Variants in RGS6 observed in about 807,000 individuals in gnomAD.
RGS6 encodes regulator of G protein signaling 6.
In RGS6, 30 loss-of-function variants were observed where a neutral mutation model predicts 78.5. The observed-to-expected ratio is 0.38, with a 90% CI of 0.29 to 0.52. The LOEUF is 0.52. Among genes scored for constraint, RGS6 ranks in the 20% least tolerant of loss-of-function variants. RGS6 has a pLI of 0.85. For missense variants in RGS6, 495 were observed against 609.7 expected, an observed-to-expected ratio of 0.81 and a Z score of 1.98; for synonymous variants, 206 against 206.0, an observed-to-expected ratio of 1.00 and a Z score of 0.00.
the RGS6 span, among the ~76,000 whole-genome samples, chr14:71,874,674 A>G: frequency 6.6e-6 from 1 of 152,150 alleles, no homozygotes; most frequent in Non-Finnish European, 1.5e-5. Context: ...AACTTCCAAC[A>G]CTATGTTGAA....
At chr14:72,001,889 A>G (rs1279710669) in intron 2 of RGS6, among the ~76,000 whole-genome samples, 1 of 127,992 alleles carries the variant, frequency 7.8e-6, no homozygotes, top group East Asian at 2.3e-4. Flanking sequence ...TTAGACATCC[A>G]TTAATCTTTT....
At position 71,940,946 on chromosome 14, in the gene RGS6, A is replaced by C. The variant is rs867252416; in HGVS notation, c.-21+8005A>C. Among the ~76,000 whole-genome samples the C allele has an allele frequency of 5.9e-5, 9 of 152,162 alleles. No homozygotes were observed. In the South Asian group the frequency reaches 1.5e-3, roughly 25 times the overall value. On this transcript the variant is annotated intron_variant, in intron 1 of 17. Coordinates refer to ENST00000553525, the MANE Select transcript of RGS6 (RefSeq NM_001204424.2). ...AAGCCAAGGGAGATCAGGCATTTCC[A>C]GCTCACTCACAGTGGGCCGCCTTTA...
In RGS6 at chr14:72,458,284, C is replaced by G. The variant is rs1597804940; in HGVS notation, c.249C>G (p.His83Gln). ...CTGTTCTTACAGTTGAAGCAATACA[C>G]TTGGGGAGCCTTATCGCTGCCCAGG... is the stretch of plus-strand genomic sequence containing the variant. Reference protein sequence around the residue: ...LSIEDPVEAIHLGSLIAAQGY... With the variant: ...LSIEDPVEAIQLGSLIAAQGY... Residue 83 changes from histidine to glutamine, a missense_variant, in exon 5 of 18, where the codon CAC becomes CAG. Transcript: ENST00000553525. 6.2e-7 allele frequency: 1 copy of G among 1,613,652 alleles called. No homozygotes were observed. The highest frequency in any genetic ancestry group is 8.5e-7 in the Non-Finnish European group (1 of 1,179,542).
At chr14:72,030,162 A>G (rs531710437) in intron 2 of RGS6, among the ~76,000 whole-genome samples, 1 of 152,342 alleles carries the variant, frequency 6.6e-6, no homozygotes, top group East Asian at 1.9e-4. Flanking sequence ...TGAAGAGCAT[A>G]TAACTTCCAT....
At chr14:72,562,035 C>G (rs75717694) in intron 17 of RGS6, among the ~76,000 whole-genome samples, 1 of 152,230 alleles carries the variant, frequency 6.6e-6, no homozygotes, top group South Asian at 2.1e-4. Flanking sequence ...TCAGAACACC[C>G]CAAGTCCACC....
At chr14:72,424,563 A>C (rs944930023) in intron 3 of RGS6, among the ~76,000 whole-genome samples, 2 of 152,200 alleles carry the variant, frequency 1.3e-5, no homozygotes, top group African/African-American at 4.8e-5. Flanking sequence ...GGTTGTAAAA[A>C]AAGATTCCCA....
chr14:72,323,892 T>TA (rs1567754711), intron 2 of RGS6, among the ~76,000 whole-genome samples: 1 of 151,294 alleles, frequency 6.6e-6, no homozygotes, highest in Non-Finnish European at 1.5e-5. Context: ...TATCTTTTTT[T>TA]ATTTTTAATT....
chr14:72,418,513 T>A (rs2153092205), intron 3 of RGS6, among the ~76,000 whole-genome samples: 1 of 151,908 alleles, frequency 6.6e-6, no homozygotes, highest in Admixed American at 6.6e-5. Flanking sequence ...TAAGAGGAGG[T>A]AGAAGGAAAT....
intron 3 of RGS6, among the ~76,000 whole-genome samples, chr14:72,401,831 G>T (rs565348985): frequency 3.2e-4 from 48 of 152,144 alleles, no homozygotes; most frequent in Admixed American, 9.2e-4. Context: ...GAGGTCAGCC[G>T]CCACCACAGC....
intron 2 of RGS6, among the ~76,000 whole-genome samples, chr14:72,245,374 G>A (rs1030756379): frequency 3.9e-5 from 6 of 152,260 alleles, no homozygotes; most frequent in African/African-American, 1.2e-4. Flanking sequence ...GCCCCAAACA[G>A]AGATTTACCC....
At chr14:72,582,013 C>T in the RGS6 span, among the ~76,000 whole-genome samples, 1 of 152,192 alleles carries the variant, frequency 6.6e-6, no homozygotes, top group East Asian at 1.9e-4. Flanking sequence ...TATGAAGACA[C>T]AAAACCCAGA....
At chr14:72,325,684 A>G (rs1004855971) in intron 2 of RGS6, among the ~76,000 whole-genome samples, 7 of 152,288 alleles carry the variant, frequency 4.6e-5, no homozygotes, top group Admixed American at 4.6e-4. Flanking sequence ...AAATCTCTTG[A>G]ATAAAATTAA....
intron 2 of RGS6, among the ~76,000 whole-genome samples, chr14:72,261,264 C>T (rs548645037): frequency 1.3e-5 from 2 of 152,286 alleles, no homozygotes; most frequent in East Asian, 3.9e-4. Context: ...TTCCTCACCA[C>T]TGATGTCACT....
Position 72,404,245 on chromosome 14 carries a change from G to A in RGS6, c.185-50283G>A, listed in dbSNP as rs369053699. Among the ~76,000 whole-genome samples, 12 of 152,158 alleles carry A rather than the reference G, an allele frequency of 7.9e-5. 1 individual carries two copies. In the East Asian group the frequency reaches 1.7e-3, roughly 22 times the overall value. ...TGTTTCAAAGTCAGAAAGGAGAATC[G>A]GTTCTGTGGATCTTACAAGCTCCTT... On this transcript the variant is annotated intron_variant, in intron 3 of 17. Transcript: ENST00000553525.
At chr14:72,006,035 C>G (rs2084485534) in intron 2 of RGS6, among the ~76,000 whole-genome samples, 1 of 151,944 alleles carries the variant, frequency 6.6e-6, no homozygotes, top group Admixed American at 6.6e-5. Context: ...TTGGAAAAAG[C>G]TTTGAGGCTA....
At chr14:72,445,987 C>T (rs1428413778) in intron 3 of RGS6, among the ~76,000 whole-genome samples, 10 of 152,098 alleles carry the variant, frequency 6.6e-5, no homozygotes, top group African/African-American at 2.4e-4. Context: ...GGCCAGTCAT[C>T]GTGGTTCACA....
intron 3 of RGS6, among the ~76,000 whole-genome samples, chr14:72,450,538 TCAGA>T (rs1597689468): frequency 6.6e-6 from 1 of 152,328 alleles, no homozygotes; most frequent in African/African-American, 2.4e-5. Flanking sequence ...AAGAATGCTT[TCAGA>T]CAGTGTTTTA....
the RGS6 span, among the ~76,000 whole-genome samples, chr14:72,622,304 GA>G: frequency 1.3e-5 from 2 of 152,108 alleles, no homozygotes; most frequent in East Asian, 3.9e-4. Flanking sequence ...GACAGGCAGA[GA>G]AAAAAAGACT....
chr14:71,912,886 C>T, the RGS6 span, among the ~76,000 whole-genome samples: 1 of 152,032 alleles, frequency 6.6e-6, no homozygotes, highest in East Asian at 1.9e-4. Context: ...AGTGCAGAGG[C>T]ATGATCTCGG....
Sources: gnomAD v4.1 joint callset for allele counts (sites outside exome capture counted in the v4.1 genomes callset) on GRCh38, gnomAD v4.1.1 for gene constraint, MANE v1.5 for transcripts, NCBI Gene and HGNC (gene_info 2026-07-23, HGNC 2026-07-21) for gene names.